Variants in WDPCP observed in about 807,000 individuals in gnomAD.
WDPCP encodes the protein WD repeat-containing and planar cell polarity effector protein fritz homolog.
WDPCP carries 71 observed loss-of-function variants against 93.1 expected under a neutral mutation model. That is an observed-to-expected ratio of 0.76 (90% confidence interval 0.63 to 0.93). The LOEUF (loss-of-function observed/expected upper bound fraction) is 0.93. Ranked by LOEUF, WDPCP falls within the 40% of genes least tolerant of loss-of-function variation. WDPCP has a pLI of 0.00. For synonymous variants in WDPCP, 315 were observed against 315.0 expected (o/e 1.00, Z 0.00); for missense variants, 844 against 887.4 (o/e 0.95, Z 0.62).
At chr2:63,491,076 T>C (rs956818385) in intron 2 of WDPCP, among the ~76,000 whole-genome samples, 2 of 152,218 alleles carry the variant, frequency 1.3e-5, no homozygotes, top group East Asian at 1.9e-4. Context: ...TTTTACACTT[T>C]TGAATTTTGA....
chr2:63,424,929 C>T (rs1053559522), intron 9 of WDPCP, among the ~76,000 whole-genome samples: 4 of 152,190 alleles, frequency 2.6e-5, no homozygotes, highest in Non-Finnish European at 5.9e-5. Context: ...ATCTTTCCCC[C>T]TACACCACAG....
chr2:63,533,719 G>A (rs990345004), intron 1 of WDPCP, among the ~76,000 whole-genome samples: 4 of 152,226 alleles, frequency 2.6e-5, no homozygotes, highest in Admixed American at 1.3e-4. Context: ...AGTGTGTAGA[G>A]GGAAATTTAT....
chr2:63,522,536 G>C (rs891787316), intron 1 of WDPCP, among the ~76,000 whole-genome samples: 1 of 150,092 alleles, frequency 6.7e-6, no homozygotes, highest in East Asian at 2.0e-4. Context: ...CTGGTTCCTT[G>C]AAAGAATTAA....
At chr2:63,624,439 C>A (rs1037056447) in intron 3 of WDPCP, among the ~76,000 whole-genome samples, 5 of 151,736 alleles carry the variant, frequency 3.3e-5, no homozygotes, top group African/African-American at 1.2e-4. Context: ...TCTAGCCAGA[C>A]TAATATAGAA....
At chr2:63,771,341 A>G (rs1670223767) in intron 2 of WDPCP, among the ~76,000 whole-genome samples, 1 of 151,978 alleles carries the variant, frequency 6.6e-6, no homozygotes, top group Non-Finnish European at 1.5e-5. Flanking sequence ...GCGACACAAA[A>G]AAAATAGAAA....
intron 2 of WDPCP, among the ~76,000 whole-genome samples, chr2:63,802,613 G>A (rs1025470847): frequency 1.4e-4 from 22 of 152,180 alleles, no homozygotes; most frequent in African/African-American, 5.3e-4. Flanking sequence ...TCCTACAGAT[G>A]ATGATTTTTT....
intron 2 of WDPCP, among the ~76,000 whole-genome samples, chr2:63,771,972 T>C (rs1046338694): frequency 6.6e-6 from 1 of 152,070 alleles, no homozygotes. Flanking sequence ...CTTGATTCCA[T>C]ATCTTTGCTA....
rs1165722188 is a variant in WDPCP, at chr2:63,622,458, T to A, written n.488+28201A>T. The A allele has an allele frequency of 2.5e-6, 4 of 1,613,850 alleles. No individual in the cohort carries two copies. In the African/African-American group the frequency reaches 4.0e-5, roughly 16 times the overall value. Reference sequence around the variant, plus strand: ...GGAGACCCAGGCTTCCCGGCGGATTTCAGTCCAGCCGCTGTTGTCAGAGTT... The same window carrying A: ...GGAGACCCAGGCTTCCCGGCGGATTACAGTCCAGCCGCTGTTGTCAGAGTT... On this transcript the variant is annotated intron_variant and non_coding_transcript_variant, in intron 3 of 4. Transcript: ENST00000467687.
At chr2:63,353,606 C>T (rs1689791400) in intron 12 of WDPCP, among the ~76,000 whole-genome samples, 1 of 152,142 alleles carries the variant, frequency 6.6e-6, no homozygotes. Flanking sequence ...GCTGCTCTAC[C>T]AAAACGTGGC....
intron 9 of WDPCP, among the ~76,000 whole-genome samples, chr2:63,423,422 C>T (rs1285335052): frequency 6.6e-6 from 1 of 152,174 alleles, no homozygotes; most frequent in Non-Finnish European, 1.5e-5. Context: ...CCATAAGTTA[C>T]TGCTCTTGAA....
At chr2:63,471,528 A>C (rs1699688950) in intron 6 of WDPCP, among the ~76,000 whole-genome samples, 1 of 152,260 alleles carries the variant, frequency 6.6e-6, no homozygotes, top group African/African-American at 2.4e-5. Flanking sequence ...TGGACAAGCA[A>C]GGAGTAGTGT....
intron 2 of WDPCP, among the ~76,000 whole-genome samples, chr2:63,691,848 G>T (rs1197936957): frequency 2.0e-5 from 3 of 149,978 alleles, no homozygotes; most frequent in Non-Finnish European, 4.4e-5. Flanking sequence ...ATCTATACAA[G>T]ATTTTTAAAA....
At chr2:63,553,452 A>AT (rs1293812416) in intron 1 of WDPCP, among the ~76,000 whole-genome samples, 1 of 151,670 alleles carries the variant, frequency 6.6e-6, no homozygotes, top group Non-Finnish European at 1.5e-5. Flanking sequence ...CCAGGATGCT[A>AT]TTTTTCCTCA....
rs771689850 is a variant in WDPCP, at chr2:63,404,082, T to C, written c.1401A>G (p.Glu467=). 1.2e-6 allele frequency: 2 copies of C among 1,614,120 alleles called. No individual in the cohort carries two copies. Among genetic ancestry groups the C allele is most frequent in the Non-Finnish European group, 1.7e-6 (2 of 1,179,990 alleles). The stretch of plus-strand genomic sequence containing the variant: ...ACAACAGCACACCCAAAGGTCCTCT[T>C]TCAAACCTGAGGAAGAGGAGATCAT... ...DIYDLLFLRF[E]RGPLGVLLFK... The change falls in exon 10 of 18, where the codon GAA becomes GAG. Residue 467 remains glutamate (E), a synonymous_variant. Transcript: ENST00000272321.
chr2:63,202,597 C>G (rs1676000268), intron 14 of WDPCP, among the ~76,000 whole-genome samples: 1 of 152,116 alleles, frequency 6.6e-6, no homozygotes, highest in Non-Finnish European at 1.5e-5. Flanking sequence ...TCTATCTCTA[C>G]TTGCAGCCCT....
intron 12 of WDPCP, among the ~76,000 whole-genome samples, chr2:63,316,552 C>T (rs950901113): frequency 4.0e-5 from 6 of 151,846 alleles, no homozygotes; most frequent in Non-Finnish European, 5.9e-5. Flanking sequence ...ACTCAGGAGG[C>T]TGAGGCACAA....
intron 2 of WDPCP, among the ~76,000 whole-genome samples, chr2:63,769,232 T>C (rs1165154743): frequency 6.6e-6 from 1 of 151,964 alleles, no homozygotes; most frequent in Non-Finnish European, 1.5e-5. Flanking sequence ...TAGGACATAA[T>C]GCATTATGTA....
chr2:63,762,795 ACTT>A (rs1331827486), intron 2 of WDPCP, among the ~76,000 whole-genome samples: 1 of 152,142 alleles, frequency 6.6e-6, no homozygotes, highest in African/African-American at 2.4e-5. Context: ...TGATCCAATC[ACTT>A]CTTAAGGGCT....
rs558934054 is a variant in WDPCP, at chr2:63,332,107, T to C, written c.1749-18796A>G. 2.0e-4 allele frequency among the ~76,000 whole-genome samples: 30 copies of C among 150,704 alleles called. No individual in the cohort carries two copies. In the South Asian group the frequency reaches 2.9e-3, roughly 15 times the overall value. ...ACATATATATATGTGTGTGTGTGTG[T>C]ATATATATGTATATATATATTTTTA... On this transcript the variant is annotated intron_variant, in intron 12 of 17. Transcript: ENST00000272321.
Sources: allele counts gnomAD v4.1 joint callset (sites outside exome capture counted in the v4.1 genomes callset), GRCh38; gene constraint gnomAD v4.1.1; transcripts MANE v1.5; gene names NCBI Gene and HGNC (gene_info 2026-07-23, HGNC 2026-07-21).